Variants in NRG1 observed in about 807,000 individuals in gnomAD.
NRG1 encodes pro-neuregulin-1, membrane-bound isoform.
A neutral mutation model predicts 63.8 loss-of-function variants in NRG1; 18 were observed. The observed-to-expected ratio is 0.28, with a 90% CI of 0.19 to 0.42. NRG1 has a LOEUF of 0.42. NRG1 is among the 10% of genes least tolerant of loss of function. The probability of loss-of-function intolerance (pLI) is 1.00; values close to 1 mark genes in which losing one functional copy is unlikely to be tolerated. For synonymous variants in NRG1, 302 were observed against 301.3 expected (o/e 1.00, Z -0.02); for missense variants, 762 against 814.7 (o/e 0.94, Z 0.79).
At chr8:32,459,317 G>T (rs1299617080) in intron 1 of NRG1, among the ~76,000 whole-genome samples, 1 of 152,068 alleles carries the variant, frequency 6.6e-6, no homozygotes, top group Non-Finnish European at 1.5e-5. Context: ...AGTATCCCTG[G>T]AATCCTTTCA....
intron 1 of NRG1, among the ~76,000 whole-genome samples, chr8:31,786,390 G>T (rs1034910680): frequency 1.3e-5 from 2 of 152,162 alleles, no homozygotes; most frequent in African/African-American, 4.8e-5. Flanking sequence ...AGAAGTGTGT[G>T]GGGATTTCTC....
Position 32,646,682 on chromosome 8 carries a change from G to C in NRG1, c.502+29797G>C, listed in dbSNP as rs912874294. 2.9e-5 allele frequency: 29 copies of C among 985,220 alleles called. No homozygotes were observed. In the African/African-American group the frequency reaches 4.2e-4, roughly 14 times the overall value. 61.0% of individuals were successfully genotyped at this position (985,220 alleles called of 1,614,324 possible). ...GTGGAAGAAGACTGGGACAGCTTTT[G>C]TAGAGAAAGAAAGAAAAAGGAGGAA... On this transcript the variant is annotated intron_variant, in intron 5 of 11. Transcript: ENST00000356819.
rs148597777 is a variant in NRG1, at chr8:32,391,075, TTAAAA to T, written c.38-204743_38-204739del. Among the ~76,000 whole-genome samples the T allele has an allele frequency of 8.5e-3, 1,294 of 152,214 alleles. 23 individuals are homozygous for T. The highest frequency in any genetic ancestry group is 0.029 in the African/African-American group (1,219 of 41,524). On this transcript the variant is annotated intron_variant, in intron 1 of 10. Coordinates refer to the NRG1 transcript ENST00000519301. The stretch of plus-strand genomic sequence containing the variant: ...TCCACTGAAGCTCTCAAGCATCTTG[TTAAAA>T]TAAAATAAATTAGCTTGGTTTCTGT...
At chr8:32,426,514 A>G (rs1160860957) in intron 1 of NRG1, among the ~76,000 whole-genome samples, 1 of 152,224 alleles carries the variant, frequency 6.6e-6, no homozygotes, top group Non-Finnish European at 1.5e-5. Context: ...GTATAAAACA[A>G]AAGAACTTCA....
rs1236116920 is a variant in NRG1, at chr8:31,698,873, G to A, written c.37+59442G>A. On this transcript the variant is annotated intron_variant, in intron 1 of 10. Transcript: ENST00000519301. ...ATGTTACAGTACAACCTTGGGTTTG[G>A]CTTTTAGCACCAAGGTTAAACAAAG... Among the ~76,000 whole-genome samples the A allele has an allele frequency of 2.6e-5, 4 of 152,260 alleles. No homozygotes were observed. In the East Asian group the frequency reaches 7.7e-4, roughly 29 times the overall value.
At chr8:32,106,745 C>A (rs1038630449) in intron 1 of NRG1, among the ~76,000 whole-genome samples, 5 of 151,960 alleles carry the variant, frequency 3.3e-5, no homozygotes, top group Non-Finnish European at 7.4e-5. Context: ...ATAATTTACT[C>A]CCTTTTTAAA....
intron 1 of NRG1, among the ~76,000 whole-genome samples, chr8:31,915,124 A>G (rs931566910): frequency 6.6e-6 from 1 of 151,834 alleles, no homozygotes; most frequent in African/African-American, 2.4e-5. Flanking sequence ...AGTATTGGAT[A>G]TTTCATACGA....
intron 1 of NRG1, among the ~76,000 whole-genome samples, chr8:32,312,426 C>T (rs947953212): frequency 1.3e-5 from 2 of 150,134 alleles, no homozygotes; most frequent in Admixed American, 6.6e-5. Flanking sequence ...CCACCTGCCT[C>T]GGCCTCCCAA....
At chr8:32,763,656 T>C (rs968033318) in intron 11 of NRG1, 92 bp from the exon 12 acceptor site, 3 of 1,277,312 alleles carry the variant, frequency 2.3e-6, no homozygotes, top group African/African-American at 3.0e-5. Flanking sequence ...TGTTCTCTGA[T>C]GATATAATAC....
intron 1 of NRG1, among the ~76,000 whole-genome samples, chr8:32,461,671 G>A (rs1394659110): frequency 2.6e-5 from 4 of 152,046 alleles, no homozygotes; most frequent in South Asian, 2.1e-4. Flanking sequence ...CAGCCTGGGC[G>A]ACAAAAGCGA....
chr8:32,104,373 C>T lies in NRG1; in HGVS notation c.37+464942C>T, dbSNP rs1022179085. 9.9e-5 allele frequency among the ~76,000 whole-genome samples: 15 copies of T among 152,124 alleles called. 1 individual carries two copies. Among genetic ancestry groups the T allele is most frequent in the African/African-American group, 3.1e-4 (13 of 41,510 alleles). On this transcript the variant is annotated intron_variant, in intron 1 of 10. Coordinates refer to the NRG1 transcript ENST00000519301. The stretch of plus-strand genomic sequence containing the variant: ...CCCATGAATGGAGCTTGCAGGACTG[C>T]GTGTTGCTCTGGGTGGGTCAGTGAG...
intron 1 of NRG1, among the ~76,000 whole-genome samples, chr8:32,583,989 G>A (rs1841168585): frequency 6.6e-6 from 1 of 152,112 alleles, no homozygotes; most frequent in Non-Finnish European, 1.5e-5. Context: ...CAGAATGTGT[G>A]GGAAGCAGCT....
chr8:32,756,139 G>C (rs1829635484), intron 8 of NRG1, among the ~76,000 whole-genome samples: 1 of 152,166 alleles, frequency 6.6e-6, no homozygotes, highest in African/African-American at 2.4e-5. Context: ...CAATTATCAA[G>C]TTATTTGTGT....
intron 1 of NRG1, among the ~76,000 whole-genome samples, chr8:32,456,630 A>G (rs1046779796): frequency 6.6e-6 from 1 of 152,224 alleles, no homozygotes; most frequent in Non-Finnish European, 1.5e-5. Flanking sequence ...CTGTAAGAAT[A>G]CGGTATAGAC....
At chr8:32,628,161 T>G (rs1309395511) in intron 5 of NRG1, among the ~76,000 whole-genome samples, 1 of 152,220 alleles carries the variant, frequency 6.6e-6, no homozygotes, top group Non-Finnish European at 1.5e-5. Context: ...ATGCCCCAGC[T>G]CTGATGAAAT....
intron 1 of NRG1, among the ~76,000 whole-genome samples, chr8:31,897,741 A>G (rs1207010508): frequency 6.6e-6 from 1 of 152,050 alleles, no homozygotes; most frequent in Non-Finnish European, 1.5e-5. Flanking sequence ...CTGTCCGGGC[A>G]TAGTGGCTCA....
intron 1 of NRG1, among the ~76,000 whole-genome samples, chr8:32,353,633 A>G (rs917679208): frequency 6.6e-6 from 1 of 152,248 alleles, no homozygotes; most frequent in Non-Finnish European, 1.5e-5. Flanking sequence ...CTAAATACCT[A>G]TCAGAATGTC....
intron 1 of NRG1, among the ~76,000 whole-genome samples, chr8:31,749,102 A>C (rs2131445344): frequency 6.6e-6 from 1 of 151,996 alleles, no homozygotes; most frequent in South Asian, 2.1e-4. Flanking sequence ...GTTTATGAAA[A>C]CTTCTCCATG....
intron 5 of NRG1, among the ~76,000 whole-genome samples, chr8:32,665,288 A>G (rs1440664451): frequency 6.6e-6 from 1 of 152,144 alleles, no homozygotes; most frequent in African/African-American, 2.4e-5. Context: ...ATTCTTTTAT[A>G]TTAGTGCTGC....
Sources: allele counts gnomAD v4.1 joint callset (sites outside exome capture counted in the v4.1 genomes callset), GRCh38; gene constraint gnomAD v4.1.1; transcripts MANE v1.5; gene names NCBI Gene and HGNC (gene_info 2026-07-23, HGNC 2026-07-21).